The following NOX3 variants were observed in gnomAD, a reference collection of about 807,000 sequenced individuals.
NOX3 encodes NADPH oxidase catalytic subunit-like 3.
In NOX3, 74 loss-of-function variants were observed where a neutral mutation model predicts 76.7. That is an observed-to-expected ratio of 0.96 (90% CI 0.80 to 1.17). The LOEUF (loss-of-function observed/expected upper bound fraction) is 1.17. NOX3 is among the 50% of genes most tolerant of loss of function. NOX3 has a pLI of 0.00. For synonymous variants in NOX3, 263 were observed against 261.1 expected, an observed-to-expected ratio of 1.01 and a Z score of -0.07; for missense variants, 695 against 703.3, an observed-to-expected ratio of 0.99 and a Z score of 0.13.
intron 5 of NOX3, 121 bp downstream of exon 5, chr6:155,443,152 C>A: frequency 6.6e-6 from 7 of 1,057,032 alleles, no homozygotes; most frequent in Non-Finnish European, 6.5e-6. Context: ...AAAACAAATT[C>A]ACATATAAAT....
chr6:155,430,958 A>G, intron 7 of NOX3, 23 bp from the exon 8 acceptor site: 2 of 1,394,248 alleles, frequency 1.4e-6, no homozygotes, highest in South Asian at 1.2e-5. Context: ...GCAGAGAGAG[A>G]GAGAAAAAGG....
chr6:155,416,449 A>G (rs1249959301), intron 10 of NOX3, among the ~76,000 whole-genome samples: 2 of 152,222 alleles, frequency 1.3e-5, no homozygotes, highest in East Asian at 3.8e-4. Context: ...AGAAGAAATA[A>G]AAGAAGAAAT....
chr6:155,430,497 T>C (rs1470160716), intron 8 of NOX3, among the ~76,000 whole-genome samples: 1 of 152,030 alleles, frequency 6.6e-6, no homozygotes, highest in African/African-American at 2.4e-5. Flanking sequence ...CTTTACGTGG[T>C]GAAGAAGTGA....
At chr6:155,445,913 A>T (rs1251321253) in intron 4 of NOX3, among the ~76,000 whole-genome samples, 1 of 143,128 alleles carries the variant, frequency 7.0e-6, no homozygotes, top group African/African-American at 2.7e-5. Context: ...TATATATGCT[A>T]TAGATATATA....
chr6:155,427,489 G>A (rs762545256), intron 9 of NOX3, among the ~76,000 whole-genome samples: 2 of 152,142 alleles, frequency 1.3e-5, no homozygotes, highest in African/African-American at 2.4e-5. Context: ...TCCTCTGTAC[G>A]CACTGCATGT....
chr6:155,440,759 A>G (rs1375705066), intron 5 of NOX3, among the ~76,000 whole-genome samples: 1 of 152,200 alleles, frequency 6.6e-6, no homozygotes, highest in Non-Finnish European at 1.5e-5. Flanking sequence ...AAGATAAAAT[A>G]TTGCAAAATA....
At chr6:155,449,997 A>G (rs1047161901) in intron 4 of NOX3, among the ~76,000 whole-genome samples, 2 of 152,212 alleles carry the variant, frequency 1.3e-5, no homozygotes, top group African/African-American at 4.8e-5. Context: ...TTCATGTGAA[A>G]TGTAATAATT....
chr6:155,436,332 G>T, intron 7 of NOX3, 86 bp downstream of exon 7: 1 of 1,479,060 alleles, frequency 6.8e-7, no homozygotes, highest in Non-Finnish European at 9.4e-7. Flanking sequence ...GTGGTGAAAT[G>T]TGCTTTCTTT....
chr6:155,432,243 A>G (rs1319023468), intron 7 of NOX3, among the ~76,000 whole-genome samples: 1 of 152,148 alleles, frequency 6.6e-6, no homozygotes, highest in African/African-American at 2.4e-5. Flanking sequence ...TTTTAGAATT[A>G]AAAGAAGGAA....
intron 4 of NOX3, among the ~76,000 whole-genome samples, chr6:155,451,275 G>A (rs893175872): frequency 3.3e-5 from 5 of 151,960 alleles, no homozygotes; most frequent in Admixed American, 6.6e-5. Flanking sequence ...CACCACGCCC[G>A]GCCTGTATTA....
intron 12 of NOX3, among the ~76,000 whole-genome samples, chr6:155,402,197 A>G (rs6926232): frequency 0.17 from 25,358 of 152,184 alleles, 2,214 homozygotes; most frequent in South Asian, 0.22. Flanking sequence ...ACCTTTCTCT[A>G]GATTAGTAAG....
At position 155,414,086 on chromosome 6, in the gene NOX3, C is replaced by T. The variant is rs2294673; in HGVS notation, c.1309-2726G>A. 0.012 allele frequency among the ~76,000 whole-genome samples: 1,837 copies of T among 152,188 alleles called. 65 individuals carry two copies. In the East Asian group the frequency reaches 0.13, roughly 11 times the overall value. ...CTCGTAATGGCTTTGTGTGTTTTTC[C>T]CTCCGTAATTGACTTGTAAGTGACA... On this transcript the variant is annotated intron_variant, in intron 10 of 13. Coordinates refer to ENST00000159060, the MANE Select transcript of NOX3 (RefSeq NM_015718.3).
intron 11 of NOX3, among the ~76,000 whole-genome samples, chr6:155,408,081 C>T (rs762415366): frequency 1.2e-4 from 19 of 152,106 alleles, no homozygotes; most frequent in Non-Finnish European, 2.4e-4. Context: ...TGAGTTCAAG[C>T]GATTCTCCTG....
chr6:155,408,120 AG>A (rs750367804), intron 11 of NOX3, among the ~76,000 whole-genome samples: 18 of 152,090 alleles, frequency 1.2e-4, no homozygotes, highest in Non-Finnish European at 2.4e-4. Context: ...CTGGGACTAC[AG>A]GTGTGTACCA....
At chr6:155,430,267 C>T (rs996708960) in intron 8 of NOX3, among the ~76,000 whole-genome samples, 5 of 151,964 alleles carry the variant, frequency 3.3e-5, no homozygotes, top group African/African-American at 7.3e-5. Flanking sequence ...ATTGTGAGGA[C>T]GTAGAGATGT....
At chr6:155,413,345 C>T (rs143037702) in intron 10 of NOX3, among the ~76,000 whole-genome samples, 7 of 151,200 alleles carry the variant, frequency 4.6e-5, no homozygotes, top group African/African-American at 1.2e-4. Context: ...AGGAGATGGG[C>T]GAGGGGAGGG....
Position 155,434,879 on chromosome 6 carries a change from A to C in NOX3, c.798+1539T>G, listed in dbSNP as rs577279887. Among the ~76,000 whole-genome samples the C allele has an allele frequency of 3.3e-5, 5 of 152,322 alleles. No individual in the cohort carries two copies. In the South Asian group the frequency reaches 1.0e-3, roughly 32 times the overall value. On this transcript the variant is annotated intron_variant, in intron 7 of 13. Coordinates refer to ENST00000159060, the MANE Select transcript of NOX3 (RefSeq NM_015718.3). ...AACACTGGGAACAGTGAACCGCTGA[A>C]GGAGAAATGATACATATTCTATTGA...
At position 155,443,527 on chromosome 6, in the gene NOX3, A is replaced by G. The variant is rs545065817; in HGVS notation, c.341-109T>C. ...AAGTTTCTCTGTTCTGGTTTTTGTA[A>G]TCTCCAAGGAAAAGTGATGTATTTA... On this transcript the variant is annotated intron_variant, in intron 4 of 13. Transcript: ENST00000159060. 35 of 1,309,902 alleles carry G rather than the reference A, an allele frequency of 2.7e-5. No homozygotes were observed. In the African/African-American group the frequency reaches 5.0e-4, roughly 19 times the overall value. 81.1% of individuals were successfully genotyped at this position (1,309,902 alleles called of 1,614,324 possible).
intron 9 of NOX3, among the ~76,000 whole-genome samples, chr6:155,424,452 C>T (rs978937513): frequency 6.6e-6 from 1 of 152,234 alleles, no homozygotes; most frequent in Non-Finnish European, 1.5e-5. Flanking sequence ...CACACATTTA[C>T]ATATGAACAA....
Sources: allele counts gnomAD v4.1 joint callset (sites outside exome capture counted in the v4.1 genomes callset), GRCh38; gene constraint gnomAD v4.1.1; transcripts MANE v1.5; gene names NCBI Gene and HGNC (gene_info 2026-07-23, HGNC 2026-07-21).